LYPLAL1: variants seen among roughly 807,000 people sequenced by gnomAD.
The protein encoded by LYPLAL1 is lysophospholipase like 1.
LYPLAL1 carries 23 observed loss-of-function variants against 19.7 expected under a neutral mutation model. That is an observed-to-expected ratio of 1.17 (90% confidence interval 0.84 to 1.65). The LOEUF is 1.65. LYPLAL1 is among the 40% of genes most tolerant of loss of function. The probability of loss-of-function intolerance (pLI) is 0.00; values close to 1 mark genes in which losing one functional copy is unlikely to be tolerated. For synonymous variants in LYPLAL1, 119 were observed against 96.3 expected (o/e 1.24, Z -1.38); for missense variants, 355 against 279.4 (o/e 1.27, Z -1.93).
At chr1:219,371,317 G>C in the LYPLAL1 span, among the ~76,000 whole-genome samples, 1 of 152,164 alleles carries the variant, frequency 6.6e-6, no homozygotes, top group South Asian at 2.1e-4. Context: ...CCTTAGGAAT[G>C]AACAGACTTC....
chr1:219,397,643 TG>T, the LYPLAL1 span, among the ~76,000 whole-genome samples: 1 of 152,212 alleles, frequency 6.6e-6, no homozygotes, highest in Non-Finnish European at 1.5e-5. Context: ...GGTTGCTTTA[TG>T]GTGTCACTGG....
the LYPLAL1 span, among the ~76,000 whole-genome samples, chr1:219,286,858 T>G: frequency 6.6e-6 from 1 of 152,222 alleles, no homozygotes; most frequent in Non-Finnish European, 1.5e-5. Context: ...CATCTCTGCT[T>G]TTTGACAGTT....
the LYPLAL1 span, among the ~76,000 whole-genome samples, chr1:219,382,536 G>T: frequency 1.3e-5 from 2 of 151,944 alleles, no homozygotes; most frequent in Non-Finnish European, 1.5e-5. Context: ...ACCTTTTTTT[G>T]GATTTTCAGT....
chr1:219,284,515 AC>A, the LYPLAL1 span, among the ~76,000 whole-genome samples: 1 of 152,336 alleles, frequency 6.6e-6, no homozygotes, highest in African/African-American at 2.4e-5. Flanking sequence ...CTATGTACCT[AC>A]AAAAAGTAAA....
chr1:219,330,713 A>C, the LYPLAL1 span, among the ~76,000 whole-genome samples: 1 of 152,206 alleles, frequency 6.6e-6, no homozygotes, highest in African/African-American at 2.4e-5. Flanking sequence ...CTTACTCCAC[A>C]GTTGAGAGAG....
At chr1:219,400,832 A>T in the LYPLAL1 span, among the ~76,000 whole-genome samples, 1 of 152,172 alleles carries the variant, frequency 6.6e-6, no homozygotes, top group African/African-American at 2.4e-5. Context: ...CTGTCTGCCT[A>T]TCTAGCTATC....
chr1:219,253,178 A>C, the LYPLAL1 span, among the ~76,000 whole-genome samples: 8 of 151,680 alleles, frequency 5.3e-5, no homozygotes, highest in Non-Finnish European at 8.8e-5. Context: ...TTCCTCTATT[A>C]TCTTTTTTAA....
At chr1:219,375,185 G>A in the LYPLAL1 span, among the ~76,000 whole-genome samples, 1 of 152,176 alleles carries the variant, frequency 6.6e-6, no homozygotes, top group African/African-American at 2.4e-5. Context: ...CGGCAAAAGA[G>A]GCCGGGCATG....
the LYPLAL1 span, among the ~76,000 whole-genome samples, chr1:219,344,623 A>G: frequency 3.1e-4 from 47 of 152,068 alleles, no homozygotes; most frequent in Admixed American, 9.2e-4. Flanking sequence ...TTACTGCCCC[A>G]CCCTAACCGC....
chr1:219,349,012 GACA>G, the LYPLAL1 span, among the ~76,000 whole-genome samples: 5 of 152,092 alleles, frequency 3.3e-5, no homozygotes, highest in Non-Finnish European at 5.9e-5. Flanking sequence ...ATTTTAGACT[GACA>G]ACAATTCATG....
chr1:219,240,215 A>G, the LYPLAL1 span, among the ~76,000 whole-genome samples: 4 of 152,206 alleles, frequency 2.6e-5, no homozygotes, highest in South Asian at 4.1e-4. Flanking sequence ...TGGCAATGGA[A>G]GTAAATTAGT....
downstream of LYPLAL1, among the ~76,000 whole-genome samples, chr1:219,217,569 C>T (rs1013920106): frequency 1.3e-5 from 2 of 152,046 alleles, no homozygotes; most frequent in African/African-American, 4.8e-5. Context: ...GGTCTGGGCC[C>T]CTTGCACAGG....
At chr1:219,174,163 T>C (rs1030315516) in intron 1 of LYPLAL1, 182 bp downstream of exon 1, 1 of 1,433,608 alleles carries the variant, frequency 7.0e-7, no homozygotes, top group Admixed American at 2.7e-5. Flanking sequence ...CCTCCCCCGT[T>C]AGTCTTCCTC....
the LYPLAL1 span, among the ~76,000 whole-genome samples, chr1:219,224,112 T>G: frequency 6.6e-6 from 1 of 152,116 alleles, no homozygotes; most frequent in East Asian, 1.9e-4. Context: ...ATTGAAATAT[T>G]GAGTGGGGGT....
the LYPLAL1 span, among the ~76,000 whole-genome samples, chr1:219,409,214 G>A: frequency 6.6e-6 from 1 of 152,098 alleles, no homozygotes. Context: ...TTTGGGAGGT[G>A]GAGATGGGCA....
the LYPLAL1 span, among the ~76,000 whole-genome samples, chr1:219,386,656 G>T: frequency 6.6e-6 from 1 of 152,262 alleles, no homozygotes; most frequent in East Asian, 1.9e-4. Flanking sequence ...ATTGTACCCA[G>T]ATCTTCTTTC....
At chr1:219,440,075 T>A in the LYPLAL1 span, among the ~76,000 whole-genome samples, 4,429 of 146,158 alleles carry the variant, frequency 0.03, 94 homozygotes, top group East Asian at 0.06. Flanking sequence ...TACTAAGAAA[T>A]TCAAACACAC....
At position 219,209,504 on chromosome 1, in the gene LYPLAL1, G is replaced by A. The variant is rs572842290; in HGVS notation, c.362-1028G>A. On this transcript the variant is annotated intron_variant, in intron 3 of 4. Transcript: ENST00000366928. ...CCTCCATGTATAAAAGATTATTGTA[G>A]TAAATTCAAATTTATGGTCTCTTAA... Among the ~76,000 whole-genome samples the A allele has an allele frequency of 5.3e-5, 8 of 152,150 alleles. No homozygotes were observed. The East Asian group carries it at 1.2e-3, about 22-fold the overall frequency.
chr1:219,243,862 A>G, the LYPLAL1 span, among the ~76,000 whole-genome samples: 1 of 150,388 alleles, frequency 6.6e-6, no homozygotes, highest in African/African-American at 2.4e-5. Context: ...GAGGTTACAG[A>G]GAGCCTAGAT....
Sources: gnomAD v4.1 joint callset for allele counts (sites outside exome capture counted in the v4.1 genomes callset) on GRCh38, gnomAD v4.1.1 for gene constraint, MANE v1.5 for transcripts, NCBI Gene and HGNC (gene_info 2026-07-23, HGNC 2026-07-21) for gene names.